Variants in GRM8 observed in about 807,000 individuals in gnomAD.
GRM8 encodes glutamate metabotropic receptor 8.
GRM8 carries 47 observed loss-of-function variants against 87.2 expected under a neutral mutation model. That is an observed-to-expected ratio of 0.54 (90% confidence interval 0.43 to 0.69). The LOEUF (loss-of-function observed/expected upper bound fraction) is 0.69. GRM8 is among the 30% of genes least tolerant of loss of function. The pLI, the probability that GRM8 is intolerant of heterozygous loss-of-function variation, is 0.00. For synonymous variants in GRM8, 396 were observed against 404.5 expected, an observed-to-expected ratio of 0.98 and a Z score of 0.25; for missense variants, 1,019 against 1,139.2, an observed-to-expected ratio of 0.89 and a Z score of 1.52.
chr7:126,446,016 C>G, intron 10 of GRM8, 110 bp downstream of exon 10: 1 of 1,268,388 alleles, frequency 7.9e-7, no homozygotes, highest in Non-Finnish European at 1.1e-6. Flanking sequence ...TACCATCATG[C>G]CCCTGGAAAC....
intron 10 of GRM8, among the ~76,000 whole-genome samples, chr7:126,444,887 T>C (rs913004831): frequency 1.3e-5 from 2 of 152,180 alleles, no homozygotes; most frequent in South Asian, 4.1e-4. Flanking sequence ...AACTCACACC[T>C]GCAATCCTAG....
chr7:126,887,391 G>A (rs985191639), intron 6 of GRM8, among the ~76,000 whole-genome samples: 5 of 152,100 alleles, frequency 3.3e-5, no homozygotes, highest in Admixed American at 2.0e-4. Context: ...TGGCCACAGG[G>A]CTGTGGTCCT....
intron 3 of GRM8, among the ~76,000 whole-genome samples, chr7:126,915,045 G>C (rs1245808923): frequency 2.6e-5 from 4 of 152,200 alleles, no homozygotes; most frequent in Non-Finnish European, 5.9e-5. Context: ...GAGGTGGATC[G>C]GGTCTAGGTA....
intron 9 of GRM8, among the ~76,000 whole-genome samples, chr7:126,531,200 A>T (rs1414736759): frequency 3.9e-5 from 6 of 152,232 alleles, no homozygotes; most frequent in Non-Finnish European, 8.8e-5. Flanking sequence ...GCTAACTTAA[A>T]TTCAACATTT....
rs1489139162 is a variant in GRM8, at chr7:126,946,328, C to T, written c.728-41645G>A. On this transcript the variant is annotated intron_variant, in intron 3 of 10. Transcript: ENST00000339582. ...ACCAGCTTGAGCAACATAGTGAGAC[C>T]CCCCCATCTCTACAAAATATTACAA... Among the ~76,000 whole-genome samples, 3 of 152,028 alleles carry T rather than the reference C, an allele frequency of 2.0e-5. No individual in the cohort carries two copies. The East Asian group carries it at 5.8e-4, about 29-fold the overall frequency.
chr7:127,138,018 C>T (rs1316407333), intron 2 of GRM8, among the ~76,000 whole-genome samples: 1 of 152,124 alleles, frequency 6.6e-6, no homozygotes, highest in Non-Finnish European at 1.5e-5. Context: ...TGCCACAAAT[C>T]AGATATTTAC....
At chr7:126,779,087 G>A (rs1441039843) in intron 6 of GRM8, among the ~76,000 whole-genome samples, 1 of 151,820 alleles carries the variant, frequency 6.6e-6, no homozygotes, top group Non-Finnish European at 1.5e-5. Flanking sequence ...GAAAAGCATG[G>A]TTTTTTATCT....
intron 7 of GRM8, among the ~76,000 whole-genome samples, chr7:126,711,871 A>G (rs1291700547): frequency 6.6e-6 from 1 of 152,232 alleles, no homozygotes; most frequent in African/African-American, 2.4e-5. Context: ...AATTGAAGAG[A>G]GCAGGGCTTC....
chr7:127,106,609 G>C lies in GRM8; in HGVS notation c.614C>G (p.Ala205Gly), dbSNP rs767311111. ...CAGTGCTGTCACGATGTCCACCATGGCTTGGGCTTGGTAGGAGTCAGGCGG... is the reference window on the plus strand; with the variant it reads ...CAGTGCTGTCACGATGTCCACCATGCCTTGGGCTTGGTAGGAGTCAGGCGG... ...VVPPDSYQAQAMVDIVTALGW... is the reference protein window; with the variant it reads ...VVPPDSYQAQGMVDIVTALGW... The change falls in exon 3 of 11, where the codon GCC becomes GGC. Residue 205 changes from alanine (A) to glycine (G), a missense_variant. Transcript: ENST00000339582. 1.9e-6 allele frequency: 3 copies of C among 1,613,628 alleles called. No homozygotes were observed. Among genetic ancestry groups the C allele is most frequent in the Non-Finnish European group, 2.5e-6 (3 of 1,179,672 alleles).
At chr7:126,537,734 G>A (rs1010432516) in intron 8 of GRM8, among the ~76,000 whole-genome samples, 4 of 151,772 alleles carry the variant, frequency 2.6e-5, no homozygotes, top group Non-Finnish European at 5.9e-5. Flanking sequence ...CCGAGATCAC[G>A]CCACCGCACT....
At chr7:126,721,835 C>T (rs894319256) in intron 7 of GRM8, among the ~76,000 whole-genome samples, 7 of 152,044 alleles carry the variant, frequency 4.6e-5, no homozygotes, top group African/African-American at 1.7e-4. Context: ...CCTGATGGTG[C>T]CTCTTTTAAT....
intron 8 of GRM8, among the ~76,000 whole-genome samples, chr7:126,591,814 C>G (rs1459931542): frequency 3.3e-5 from 5 of 150,464 alleles, no homozygotes; most frequent in Non-Finnish European, 7.4e-5. Flanking sequence ...ATTAGAAACT[C>G]ACTAGAAAAG....
At chr7:126,807,544 T>C (rs1450254471) in intron 6 of GRM8, among the ~76,000 whole-genome samples, 1 of 152,162 alleles carries the variant, frequency 6.6e-6, no homozygotes, top group Non-Finnish European at 1.5e-5. Context: ...AGTCCTTCAG[T>C]TGCCTCCTTA....
intron 7 of GRM8, among the ~76,000 whole-genome samples, chr7:126,767,942 A>G (rs1818373441): frequency 6.6e-6 from 1 of 152,062 alleles, no homozygotes. Flanking sequence ...TCTGAGCTAT[A>G]TGTTGCCTTA....
At chr7:127,002,033 G>A (rs1813776657) in intron 3 of GRM8, among the ~76,000 whole-genome samples, 1 of 151,598 alleles carries the variant, frequency 6.6e-6, no homozygotes, top group Admixed American at 6.6e-5. Flanking sequence ...CTGGGGTTGT[G>A]GCTGGTAGGA....
intron 9 of GRM8, among the ~76,000 whole-genome samples, chr7:126,450,135 C>T (rs12706731): frequency 0.13 from 20,412 of 151,714 alleles, 1,467 homozygotes; most frequent in Admixed American, 0.17. Context: ...TCAACGTAGG[C>T]CATGATGTGG....
chr7:127,106,819 A>C, intron 2 of GRM8, 107 bp from the exon 3 acceptor site: 2 of 751,684 alleles, frequency 2.7e-6, no homozygotes, highest in Non-Finnish European at 4.6e-6. Context: ...TAGACATATC[A>C]ACCTGAAGCC....
chr7:126,926,653 CA>C (rs564565209), intron 3 of GRM8, among the ~76,000 whole-genome samples: 2 of 152,232 alleles, frequency 1.3e-5, no homozygotes, highest in Non-Finnish European at 2.9e-5. Context: ...CACGGCATAG[CA>C]CACAAGGCTC....
intron 7 of GRM8, among the ~76,000 whole-genome samples, chr7:126,643,361 G>T (rs1802688773): frequency 1.2e-5 from 1 of 81,734 alleles, no homozygotes; most frequent in Non-Finnish European, 2.2e-5. Context: ...TATATAGTTT[G>T]AAGCAATGAT....
Sources: gnomAD v4.1 joint callset for allele counts (sites outside exome capture counted in the v4.1 genomes callset) on GRCh38, gnomAD v4.1.1 for gene constraint, MANE v1.5 for transcripts, NCBI Gene and HGNC (gene_info 2026-07-23, HGNC 2026-07-21) for gene names.